The following TLCD4 variants were observed in gnomAD, a reference collection of about 807,000 sequenced individuals.
TLCD4 encodes TLC domain containing 4.
TLCD4 carries 7 observed loss-of-function variants against 24.2 expected under a neutral mutation model. That is an observed-to-expected ratio of 0.29 (90% CI 0.16 to 0.54). The LOEUF is 0.54. Ranked by LOEUF, TLCD4 falls within the 20% of genes least tolerant of loss-of-function variation. The pLI, the probability that TLCD4 is intolerant of heterozygous loss-of-function variation, is 0.95. For synonymous variants in TLCD4, 103 were observed against 106.4 expected, an observed-to-expected ratio of 0.97 and a Z score of 0.20; for missense variants, 259 against 313.9, an observed-to-expected ratio of 0.82 and a Z score of 1.32.
chr1:95,190,096 C>CTTTT (rs71097254), intron 6 of TLCD4, among the ~76,000 whole-genome samples: 7 of 135,142 alleles, frequency 5.2e-5, no homozygotes, highest in Non-Finnish European at 1.0e-4. Flanking sequence ...TTTGCACTTT[C>CTTTT]TTTTTTTTTT....
At chr1:95,151,185 C>A in intron 4 of TLCD4, 140 bp from the exon 5 acceptor site, 1 of 809,956 alleles carries the variant, frequency 1.2e-6, no homozygotes, top group Non-Finnish European at 2.0e-6. Flanking sequence ...AGTAGATAAT[C>A]AGACTAACTG....
At chr1:95,160,496 A>C (rs1356988843) in intron 5 of TLCD4, among the ~76,000 whole-genome samples, 1 of 152,114 alleles carries the variant, frequency 6.6e-6, no homozygotes, top group South Asian at 2.1e-4. Flanking sequence ...AATACGCTTT[A>C]TTTCTTTCTC....
intron 5 of TLCD4, chr1:95,165,003 C>T (rs1480710863): frequency 1.3e-5 from 2 of 152,202 alleles, no homozygotes; most frequent in Non-Finnish European, 2.9e-5. Flanking sequence ...ACCGTCTTTT[C>T]CCAGCTCCCA....
Position 95,196,335 on chromosome 1 carries a change from C to G in TLCD4, c.*4467C>G, listed in dbSNP as rs188624493. 6.0e-4 allele frequency: 92 copies of G among 152,204 alleles called. No homozygotes were observed. The highest frequency in any genetic ancestry group is 1.9e-3 in the African/African-American group (80 of 41,536). The allele number at this position is 152,204 out of a possible 1,614,324, so 9.4% of individuals were successfully genotyped here. A position where few individuals can be genotyped will look rare whatever the true frequency, so the allele number is the denominator to read the frequency against. On this transcript the variant is annotated 3_prime_UTR_variant, in exon 7 of 7. Transcript: ENST00000370203. ...ATGAGAGGGTGGATGCTGGCTTGTG[C>G]CAAAATTATTTTAGAGTCCTGCTCT...
chr1:95,120,569 C>T (rs1676543028), intron 1 of TLCD4, among the ~76,000 whole-genome samples: 1 of 152,150 alleles, frequency 6.6e-6, no homozygotes, highest in Non-Finnish European at 1.5e-5. Flanking sequence ...TGTAAAAGGC[C>T]AAAGCTTTTG....
At chr1:95,165,872 T>G (rs1678003341) in intron 5 of TLCD4, among the ~76,000 whole-genome samples, 1 of 152,164 alleles carries the variant, frequency 6.6e-6, no homozygotes, top group South Asian at 2.1e-4. Flanking sequence ...GTTTCTGTTG[T>G]TTGTTTTATT....
intron 5 of TLCD4, among the ~76,000 whole-genome samples, chr1:95,162,013 A>C (rs1677827114): frequency 6.6e-6 from 1 of 152,186 alleles, no homozygotes; most frequent in Non-Finnish European, 1.5e-5. Context: ...GATGTCTATT[A>C]GGTCTGCTTG....
intron 2 of TLCD4, among the ~76,000 whole-genome samples, chr1:95,147,195 TC>T (rs1201151366): frequency 2.6e-5 from 4 of 151,868 alleles, no homozygotes; most frequent in Non-Finnish European, 2.9e-5. Flanking sequence ...TGCCTCAGCC[TC>T]CCGAGTAGCT....
At chr1:95,162,996 C>G (rs368104813) in intron 5 of TLCD4, among the ~76,000 whole-genome samples, 1 of 152,112 alleles carries the variant, frequency 6.6e-6, no homozygotes, top group Admixed American at 6.6e-5. Flanking sequence ...TTGCTCTTCT[C>G]GAGGAGTATC....
At chr1:95,159,002 T>C (rs1038054748) in intron 5 of TLCD4, among the ~76,000 whole-genome samples, 11 of 152,240 alleles carry the variant, frequency 7.2e-5, no homozygotes, top group Admixed American at 6.5e-5. Context: ...GCATGAATTA[T>C]AATCCTTTGG....
chr1:95,116,938 T>C (rs539559997), upstream of TLCD4, among the ~76,000 whole-genome samples: 5 of 152,326 alleles, frequency 3.3e-5, no homozygotes, highest in African/African-American at 7.2e-5. Flanking sequence ...GTGTCAGACG[T>C]GGCAAGAAAA....
chr1:95,164,427 TTCCTGAC>T (rs1458863150), intron 5 of TLCD4: 1 of 152,300 alleles, frequency 6.6e-6, no homozygotes, highest in East Asian at 1.9e-4. Flanking sequence ...GTAAAGGGAA[TTCCTGAC>T]CCCTTGTGCT....
chr1:95,127,624 C>T (rs2100910190), intron 1 of TLCD4, among the ~76,000 whole-genome samples: 2 of 152,238 alleles, frequency 1.3e-5, no homozygotes, highest in South Asian at 4.1e-4. Flanking sequence ...CATTAGATGC[C>T]AGGTGGAAAA....
chr1:95,130,532 T>G (rs1318691403), intron 1 of TLCD4, among the ~76,000 whole-genome samples: 2 of 152,212 alleles, frequency 1.3e-5, no homozygotes, highest in Non-Finnish European at 2.9e-5. Context: ...ATAATTACAG[T>G]GTACCACCTA....
chr1:95,120,603 G>A (rs12127633), intron 1 of TLCD4, among the ~76,000 whole-genome samples: 27,233 of 152,240 alleles, frequency 0.18, 2,631 homozygotes, highest in Non-Finnish European at 0.22. Flanking sequence ...AAGAAGACAC[G>A]TGGAAGGCTG....
In TLCD4 at chr1:95,194,415, A is replaced by G. The variant is rs531897982; in HGVS notation, c.*2547A>G. ...ATTCACCTACCTAAAATACAAATGA[A>G]GACAGAACATATCATTTACTGCACG... On this transcript the variant is annotated 3_prime_UTR_variant, in exon 7 of 7. Coordinates refer to ENST00000370203, the MANE Select transcript of TLCD4 (RefSeq NM_152487.3). 4.9e-4 allele frequency: 74 copies of G among 152,272 alleles called. No individual in the cohort carries two copies. The highest frequency in any genetic ancestry group is 1.8e-3 in the African/African-American group (73 of 41,576). 9.4% of individuals were successfully genotyped at this position (152,272 alleles called of 1,614,324 possible). A position where few individuals can be genotyped will look rare whatever the true frequency, so the allele number is the denominator to read the frequency against.
At chr1:95,096,901 G>A in the TLCD4 span, among the ~76,000 whole-genome samples, 2 of 152,132 alleles carry the variant, frequency 1.3e-5, no homozygotes, top group Non-Finnish European at 2.9e-5. Flanking sequence ...TGGAAATTTG[G>A]AAGAAATGAG....
At chr1:95,101,754 G>T in the TLCD4 span, among the ~76,000 whole-genome samples, 1 of 152,200 alleles carries the variant, frequency 6.6e-6, no homozygotes, top group African/African-American at 2.4e-5. Flanking sequence ...TACAAAGCAA[G>T]ATATACATTT....
At position 95,192,414 on chromosome 1, in the gene TLCD4, T is replaced by TA. The variant is rs1186174337; in HGVS notation, c.*551dup. Reference sequence around the variant, plus strand: ...TGGATAAAAATCTTAAAGGTTTAAATAAAAATGATCAATATAATGGTGAAT... The same window carrying TA: ...TGGATAAAAATCTTAAAGGTTTAAATAAAAAATGATCAATATAATGGTGAAT... On this transcript the variant is annotated 3_prime_UTR_variant, in exon 7 of 7. Coordinates refer to ENST00000370203, the MANE Select transcript of TLCD4 (RefSeq NM_152487.3). 1 of 152,540 alleles carries TA rather than the reference T, an allele frequency of 6.6e-6. No homozygotes were observed. Among genetic ancestry groups the TA allele is most frequent in the Non-Finnish European group, 1.5e-5 (1 of 68,312 alleles). The allele number at this position is 152,540 out of a possible 1,614,324, so 9.4% of individuals were successfully genotyped here.
Sources: allele counts gnomAD v4.1 joint callset (sites outside exome capture counted in the v4.1 genomes callset), GRCh38; gene constraint gnomAD v4.1.1; transcripts MANE v1.5; gene names NCBI Gene and HGNC (gene_info 2026-07-23, HGNC 2026-07-21).